GRIK2: variants seen among roughly 807,000 people sequenced by gnomAD.
GRIK2 encodes glutamate receptor ionotropic, kainate 2.
In GRIK2, 32 loss-of-function variants were observed where a neutral mutation model predicts 100.3. The observed-to-expected ratio is 0.32, with a 90% CI of 0.24 to 0.43. The LOEUF (loss-of-function observed/expected upper bound fraction) is 0.43, where lower values mean the gene tolerates loss of function less well. Ranked by LOEUF, GRIK2 falls within the 20% of genes least tolerant of loss-of-function variation. GRIK2 has a pLI of 1.00. For missense variants in GRIK2, 843 were observed against 1,114.9 expected (o/e 0.76, Z 3.47); for synonymous variants, 417 against 389.4 (o/e 1.07, Z -0.83).
chr6:101,689,656 C>T (rs1363944197), intron 7 of GRIK2, among the ~76,000 whole-genome samples: 5 of 152,110 alleles, frequency 3.3e-5, no homozygotes, highest in Non-Finnish European at 7.4e-5. Flanking sequence ...CCAACTCACA[C>T]AGTACTTCCA....
intron 2 of GRIK2, among the ~76,000 whole-genome samples, chr6:101,483,976 G>A (rs899907957): frequency 6.6e-6 from 1 of 152,318 alleles, no homozygotes; most frequent in South Asian, 2.1e-4. Context: ...TATATTGAAA[G>A]ATATTGGGCA....
intron 10 of GRIK2, 123 bp from the exon 11 acceptor site, chr6:101,859,164 A>C: frequency 1.7e-6 from 1 of 585,176 alleles, no homozygotes; most frequent in Non-Finnish European, 3.0e-6. Flanking sequence ...AATTAGAAGA[A>C]AATAAAGTTG....
intron 7 of GRIK2, among the ~76,000 whole-genome samples, chr6:101,791,554 T>A (rs1389921443): frequency 6.6e-6 from 1 of 152,200 alleles, no homozygotes; most frequent in Non-Finnish European, 1.5e-5. Flanking sequence ...CTAGTTTGAT[T>A]GCACTGTGGT....
intron 14 of GRIK2, among the ~76,000 whole-genome samples, chr6:102,028,717 TAAG>T (rs71783000): frequency 0.051 from 7,239 of 142,154 alleles, 220 homozygotes; most frequent in South Asian, 0.082. Context: ...GGATAATAAT[TAAG>T]AAATCGTTTT....
chr6:101,897,927 A>G (rs1185742285), intron 12 of GRIK2, among the ~76,000 whole-genome samples: 1 of 151,814 alleles, frequency 6.6e-6, no homozygotes, highest in Non-Finnish European at 1.5e-5. Context: ...TATTTGGGGT[A>G]AGAGTCCTTT....
chr6:101,878,070 GTATATTATATTATATTATATTATAT>G (rs67537651), intron 11 of GRIK2, among the ~76,000 whole-genome samples: 1,435 of 135,554 alleles, frequency 0.011, 27 homozygotes, highest in African/African-American at 0.033. Context: ...ATCGTGCCAG[GTATATTATATTATATTATATTATAT>G]TATATTATAT....
intron 2 of GRIK2, among the ~76,000 whole-genome samples, chr6:101,556,998 A>C: frequency 6.6e-6 from 1 of 151,608 alleles, no homozygotes; most frequent in East Asian, 1.9e-4. Context: ...TTTACTTCAC[A>C]TCACTGTTTT....
chr6:101,651,297 G>C (rs937715343), intron 4 of GRIK2, among the ~76,000 whole-genome samples: 5 of 152,022 alleles, frequency 3.3e-5, no homozygotes, highest in African/African-American at 1.2e-4. Flanking sequence ...TTTCCAAATG[G>C]ACTACAAGCT....
chr6:101,839,156 G>A (rs1232997930), intron 10 of GRIK2, among the ~76,000 whole-genome samples: 2 of 152,044 alleles, frequency 1.3e-5, no homozygotes, highest in African/African-American at 4.8e-5. Flanking sequence ...CTTTTAGCAA[G>A]ACTCCAGGCT....
chr6:101,753,645 TATATTA>T (rs891842925), intron 7 of GRIK2, among the ~76,000 whole-genome samples: 56 of 152,202 alleles, frequency 3.7e-4, no homozygotes, highest in African/African-American at 1.1e-3. Flanking sequence ...AGTTAGGTTT[TATATTA>T]ATATTAATAT....
At chr6:101,995,273 C>T (rs1794592503) in intron 14 of GRIK2, among the ~76,000 whole-genome samples, 1 of 151,782 alleles carries the variant, frequency 6.6e-6, no homozygotes, top group Admixed American at 6.6e-5. Flanking sequence ...CTAGGAGAAC[C>T]ACAAATCAAA....
At position 101,555,326 on chromosome 6, in the gene GRIK2, G is replaced by C. The variant is rs367996266; in HGVS notation, c.116-66623G>C. On this transcript the variant is annotated intron_variant, in intron 2 of 16. Coordinates refer to ENST00000369134, the MANE Select transcript of GRIK2 (RefSeq NM_021956.5). The stretch of plus-strand genomic sequence containing the variant: ...AAGCCACTTCTCTGTTGTAATTATA[G>C]GGTCGTTGGGAAGGTTAGTGGACCT... 3.3e-5 allele frequency among the ~76,000 whole-genome samples: 5 copies of C among 152,146 alleles called. No individual in the cohort carries two copies. In the East Asian group the frequency reaches 5.8e-4, roughly 18 times the overall value.
intron 4 of GRIK2, among the ~76,000 whole-genome samples, chr6:101,664,838 A>T (rs957829450): frequency 3.3e-5 from 5 of 152,194 alleles, no homozygotes; most frequent in Non-Finnish European, 7.4e-5. Context: ...CACATCTTAC[A>T]TGGTGGCAGG....
chr6:101,418,812 T>C (rs1191051216), intron 2 of GRIK2, among the ~76,000 whole-genome samples: 1 of 152,196 alleles, frequency 6.6e-6, no homozygotes, highest in Non-Finnish European at 1.5e-5. Context: ...AAGTGACATG[T>C]ATAAAATCCA....
chr6:101,747,853 C>T (rs907878737), intron 7 of GRIK2, among the ~76,000 whole-genome samples: 2 of 151,286 alleles, frequency 1.3e-5, no homozygotes, highest in African/African-American at 2.4e-5. Context: ...GCAAAACAGA[C>T]TTTATCTTTG....
At chr6:101,574,709 C>T (rs903005986) in intron 2 of GRIK2, among the ~76,000 whole-genome samples, 1 of 151,340 alleles carries the variant, frequency 6.6e-6, no homozygotes, top group African/African-American at 2.4e-5. Flanking sequence ...CCTGTTTACT[C>T]GGATATTTTA....
In GRIK2 at chr6:101,604,734, A is replaced by T. The variant is rs561316250; in HGVS notation, c.116-17215A>T. On this transcript the variant is annotated intron_variant, in intron 2 of 16. Transcript: ENST00000369134. ...CAATAATTTATTTAGATATGTAATG[A>T]CCTGTTTGATGATGAACATTTTTTC... Among the ~76,000 whole-genome samples, 44 of 152,080 alleles carry T rather than the reference A, an allele frequency of 2.9e-4. 1 individual carries two copies. The South Asian group carries it at 9.1e-3, about 31-fold the overall frequency.
At chr6:101,951,455 A>G (rs145018689) in intron 14 of GRIK2, among the ~76,000 whole-genome samples, 1 of 152,178 alleles carries the variant, frequency 6.6e-6, no homozygotes, top group African/African-American at 2.4e-5. Flanking sequence ...TAAATTGAGG[A>G]TTCAGTATAT....
chr6:101,434,715 T>A (rs1225411169), intron 2 of GRIK2, among the ~76,000 whole-genome samples: 3 of 152,136 alleles, frequency 2.0e-5, no homozygotes, highest in African/African-American at 7.2e-5. Flanking sequence ...TCTGTGTTTA[T>A]CTAACATGTC....
Sources: allele counts gnomAD v4.1 joint callset (sites outside exome capture counted in the v4.1 genomes callset), GRCh38; gene constraint gnomAD v4.1.1; transcripts MANE v1.5; gene names NCBI Gene and HGNC (gene_info 2026-07-23, HGNC 2026-07-21).